GOLGB1: variants seen among roughly 807,000 people sequenced by gnomAD.
GOLGB1 encodes the protein golgin subfamily B member 1.
GOLGB1 carries 174 observed loss-of-function variants against 336.9 expected under a neutral mutation model. That is an observed-to-expected ratio of 0.52 (90% confidence interval 0.46 to 0.59). The LOEUF is 0.59. Among genes scored for constraint, GOLGB1 ranks in the 20% least tolerant of loss-of-function variants. GOLGB1 has a pLI of 0.00. For missense variants in GOLGB1, 3,331 were observed against 3,645.3 expected, an observed-to-expected ratio of 0.91 and a Z score of 2.22; for synonymous variants, 1,208 against 1,289.2, an observed-to-expected ratio of 0.94 and a Z score of 1.35.
intron 17 of GOLGB1, among the ~76,000 whole-genome samples, chr3:121,675,704 T>C (rs911098157): frequency 2.0e-5 from 3 of 152,236 alleles, no homozygotes; most frequent in Non-Finnish European, 4.4e-5. Flanking sequence ...TGAAAATATA[T>C]CATGCTGTAC....
rs1314344741 is a variant in GOLGB1 at position 121,692,112 on chromosome 3, G to C, written c.7252C>G (p.Leu2418Val). 1 of 1,613,336 alleles carries C rather than the reference G, an allele frequency of 6.2e-7. No homozygotes were observed. Among genetic ancestry groups the C allele is most frequent in the Non-Finnish European group, 8.5e-7 (1 of 1,179,606 alleles). ...RQQHDKEIKE[L>V]ENLLSQEEEE... ...TCCTCCTGGGACAGCAGGTTTTCCA[G>C]CTCTTTAATTTCTTTATCATGTTGC... is the stretch of plus-strand genomic sequence containing the variant. The change falls in exon 14 of 22, where the codon CTG (leucine) becomes GTG (valine). Residue 2418 changes from leucine to valine, a missense_variant. Coordinates refer to ENST00000614479, the MANE Select transcript of GOLGB1 (RefSeq NM_001366282.2).
At chr3:121,738,613 C>CT (rs1450111442) in intron 1 of GOLGB1, among the ~76,000 whole-genome samples, 1 of 152,150 alleles carries the variant, frequency 6.6e-6, no homozygotes, top group East Asian at 1.9e-4. Context: ...AAGGAGGGGT[C>CT]TTCCCATTCC....
At chr3:121,734,425 A>G (rs1946347804) in intron 1 of GOLGB1, among the ~76,000 whole-genome samples, 1 of 150,464 alleles carries the variant, frequency 6.6e-6, no homozygotes, top group African/African-American at 2.4e-5. Flanking sequence ...GTCATAGATT[A>G]GGAGAAAATA....
Position 121,692,025 on chromosome 3 carries a change from T to C in GOLGB1, c.7339A>G (p.Met2447Val). The change falls in exon 14 of 22, where the codon ATG becomes GTG. Residue 2447 changes from methionine to valine, a missense_variant. Physicochemically the swap from Met to Val is conservative, Grantham distance 21 (BLOSUM62 1). Coordinates refer to ENST00000614479, the MANE Select transcript of GOLGB1 (RefSeq NM_001366282.2). ...TTTTTGATGGTTTTCAGTGTTTCCATAAGCTGATTGGTTTTATCAACAGCC... is the reference window on the plus strand; with the variant it reads ...TTTTTGATGGTTTTCAGTGTTTCCACAAGCTGATTGGTTTTATCAACAGCC... Reference protein sequence around the residue: ...KKAVDKTNQLMETLKTIKKEN... With the variant: ...KKAVDKTNQLVETLKTIKKEN... 1 of 1,613,468 alleles carries C rather than the reference T, an allele frequency of 6.2e-7. No homozygotes were observed. The highest frequency in any genetic ancestry group is 8.5e-7 in the Non-Finnish European group (1 of 1,179,820).
At chr3:121,723,401 T>C (rs1945331002) in intron 5 of GOLGB1, among the ~76,000 whole-genome samples, 1 of 152,262 alleles carries the variant, frequency 6.6e-6, no homozygotes, top group South Asian at 2.1e-4. Context: ...TTTATTTGTA[T>C]ACTTAATGCA....
Position 121,719,627 on chromosome 3 carries a change from C to A in GOLGB1, c.771+19G>T. 6.3e-7 allele frequency: 1 copy of A among 1,585,554 alleles called. No individual in the cohort carries two copies. The highest frequency in any genetic ancestry group is 1.1e-5 in the South Asian group (1 of 87,276). On this transcript the variant is annotated intron_variant, in intron 7 of 21. Coordinates refer to ENST00000614479, the MANE Select transcript of GOLGB1 (RefSeq NM_001366282.2). ...ATTAACCAAAATGACAGTCATTCTA[C>A]CGAGTTTTAGCAACACACCTGTTGC... is the stretch of plus-strand genomic sequence containing the variant.
intron 1 of GOLGB1, 130 bp downstream of exon 1, chr3:121,749,502 T>G (rs1014227797): frequency 1.3e-5 from 2 of 152,536 alleles, no homozygotes; most frequent in Non-Finnish European, 2.9e-5. Context: ...GATCCAGGAC[T>G]GAATCCGGGA....
chr3:121,675,058 G>A (rs1006577333), intron 17 of GOLGB1, among the ~76,000 whole-genome samples: 5 of 150,668 alleles, frequency 3.3e-5, no homozygotes, highest in Non-Finnish European at 5.9e-5. Flanking sequence ...GGATGGTCTC[G>A]ATCTCCTGAC....
intron 1 of GOLGB1, among the ~76,000 whole-genome samples, chr3:121,731,909 A>G (rs969087354): frequency 1.3e-5 from 2 of 152,166 alleles, no homozygotes; most frequent in Non-Finnish European, 2.9e-5. Context: ...AGATCAATAA[A>G]ATTGATAAAA....
chr3:121,718,553 T>G (rs1304244386), intron 7 of GOLGB1, 52 bp from the exon 8 acceptor site: 2 of 1,187,866 alleles, frequency 1.7e-6, no homozygotes, highest in Admixed American at 1.8e-5. Context: ...GTGCTTGTAT[T>G]TGCTTATCTT....
At position 121,668,783 on chromosome 3, in the gene GOLGB1, C is replaced by T. The variant is rs555211908; in HGVS notation, c.9321+429G>A. ...GTCCAGCCCCTCCCAACCCCCTTTT[C>T]CTCCTCCGTATCCTATACGTCTCCA... On this transcript the variant is annotated intron_variant, in intron 18 of 21. Transcript: ENST00000614479. Among the ~76,000 whole-genome samples, 57 of 151,856 alleles carry T rather than the reference C, an allele frequency of 3.8e-4. 1 individual carries two copies. Among genetic ancestry groups the T allele is most frequent in the African/African-American group, 1.3e-3 (53 of 41,406 alleles).
chr3:121,732,175 G>GAC (rs1251134008), intron 1 of GOLGB1, among the ~76,000 whole-genome samples: 3 of 151,788 alleles, frequency 2.0e-5, no homozygotes, highest in East Asian at 3.9e-4. Flanking sequence ...TGTGTGTACA[G>GAC]ACACACACAC....
intron 20 of GOLGB1, among the ~76,000 whole-genome samples, chr3:121,666,001 C>T (rs1004768207): frequency 6.6e-6 from 1 of 152,218 alleles, no homozygotes; most frequent in Admixed American, 6.5e-5. Context: ...TGTGTCTATT[C>T]CTCCATGTGA....
Position 121,698,027 on chromosome 3 carries a change from A to G in GOLGB1, c.2496T>C (p.Ser832=). 1 of 1,614,116 alleles carries G rather than the reference A, an allele frequency of 6.2e-7. No individual in the cohort carries two copies. Among genetic ancestry groups the G allele is most frequent in the African/African-American group, 1.3e-5 (1 of 75,050 alleles). ...NELDDVQLQF[S]EQSTLIRSLQ... ...GGCTTCTTATCAGGGTACTCTGCTC[A>G]GAAAACTGAAGCTGCACATCATCCA... The change falls in exon 13 of 22, where the codon TCT becomes TCC. Residue 832 remains serine, a synonymous_variant. Coordinates refer to ENST00000614479, the MANE Select transcript of GOLGB1 (RefSeq NM_001366282.2).
chr3:121,672,173 T>G (rs559555251), intron 17 of GOLGB1, among the ~76,000 whole-genome samples: 2 of 152,328 alleles, frequency 1.3e-5, no homozygotes, highest in Middle Eastern at 3.4e-3. Flanking sequence ...GATCATATGG[T>G]AGTTCTATTT....
At chr3:121,722,171 A>C in intron 6 of GOLGB1, 91 bp downstream of exon 6, 1 of 737,100 alleles carries the variant, frequency 1.4e-6, no homozygotes, top group Non-Finnish European at 2.4e-6. Flanking sequence ...TTTATCTACT[A>C]GGATTTTTTA....
chr3:121,678,779 T>A (rs1461909231), intron 15 of GOLGB1, among the ~76,000 whole-genome samples: 1 of 152,142 alleles, frequency 6.6e-6, no homozygotes, highest in Admixed American at 6.5e-5. Context: ...CTCAAACTCC[T>A]GACCTCACAT....
rs1323706215 is a variant in GOLGB1, at chr3:121,684,540, G to A, written c.8695-2675C>T. Among the ~76,000 whole-genome samples, 5 of 152,084 alleles carry A rather than the reference G, an allele frequency of 3.3e-5. No homozygotes were observed. The East Asian group carries it at 9.7e-4, about 29-fold the overall frequency. The stretch of plus-strand genomic sequence containing the variant: ...TAGGGGAGAAAGGGAGGGAAGGTGG[G>A]GTGAGGGGAAGGGAAGTGAGAAACA... On this transcript the variant is annotated intron_variant, in intron 14 of 21. Transcript: ENST00000614479.
intron 1 of GOLGB1, chr3:121,749,023 G>T: frequency 1.9e-6 from 1 of 514,508 alleles, no homozygotes; most frequent in Non-Finnish European, 2.5e-6. Flanking sequence ...TGATTCCTGG[G>T]ATTTTCGTGT....
Sources: gnomAD v4.1 joint callset for allele counts (sites outside exome capture counted in the v4.1 genomes callset) on GRCh38, gnomAD v4.1.1 for gene constraint, MANE v1.5 for transcripts, NCBI Gene and HGNC (gene_info 2026-07-23, HGNC 2026-07-21) for gene names.